CTNNA2: variants seen among roughly 807,000 people sequenced by gnomAD.
The protein encoded by CTNNA2 is catenin alpha-2.
A neutral mutation model predicts 101.0 loss-of-function variants in CTNNA2; 42 were observed. The ratio of observed to expected loss-of-function variants is 0.42; its 90% confidence interval spans 0.32 to 0.54. The LOEUF is 0.54. Ranked by LOEUF, CTNNA2 falls within the 20% of genes least tolerant of loss-of-function variation. CTNNA2 has a pLI of 0.14. For synonymous variants in CTNNA2, 450 were observed against 456.4 expected (o/e 0.99, Z 0.18); for missense variants, 871 against 1,223.1 (o/e 0.71, Z 4.29).
intron 2 of CTNNA2, among the ~76,000 whole-genome samples, chr2:79,279,255 T>C (rs551018192): frequency 2.0e-4 from 31 of 152,084 alleles, no homozygotes; most frequent in Non-Finnish European, 4.0e-4. Context: ...TAACTGGGGT[T>C]GTGTGCCCTC....
At chr2:79,251,853 G>A (rs1334997135) in intron 2 of CTNNA2, among the ~76,000 whole-genome samples, 1 of 152,146 alleles carries the variant, frequency 6.6e-6, no homozygotes, top group Non-Finnish European at 1.5e-5. Flanking sequence ...AATAAAATTT[G>A]TTGTTTGAGA....
intron 1 of CTNNA2, among the ~76,000 whole-genome samples, chr2:79,618,898 G>A (rs1045608427): frequency 1.3e-5 from 2 of 152,198 alleles, no homozygotes; most frequent in African/African-American, 2.4e-5. Flanking sequence ...ATATGGGTAT[G>A]AGCACCCAAT....
At chr2:79,636,078 G>T (rs1423655298) in intron 1 of CTNNA2, among the ~76,000 whole-genome samples, 2 of 144,162 alleles carry the variant, frequency 1.4e-5, no homozygotes, top group Non-Finnish European at 3.0e-5. Flanking sequence ...TGGCTAACAC[G>T]GTGAAACCCC....
Position 79,874,192 on chromosome 2 carries a change from C to T in CTNNA2, c.702C>T (p.Ala234=), listed in dbSNP as rs779761149. ...CATTTCTCCGCCACCCAGATGTCGC[C>T]GCTACGAGAGCCAACCGAGATTATG... ...SQAFLRHPDV[A]ATRANRDYVF... is the part of the protein sequence containing the mutation. The change falls in exon 6 of 19, where the codon GCC becomes GCT. Residue 234 remains alanine (A), a synonymous_variant. Transcript: ENST00000402739. 4.2e-5 allele frequency: 67 copies of T among 1,613,964 alleles called. No homozygotes were observed. Among genetic ancestry groups the T allele is most frequent in the Middle Eastern group, 3.3e-4 (2 of 6,084 alleles).
At chr2:80,080,948 T>TAAAAAA (rs79785271) in intron 7 of CTNNA2, among the ~76,000 whole-genome samples, 375 of 87,362 alleles carry the variant, frequency 4.3e-3, no homozygotes, top group Middle Eastern at 9.8e-3. Context: ...TTCTCCCACT[T>TAAAAAA]AAAAAAAAAA....
chr2:80,500,451 C>T (rs1687795941), intron 9 of CTNNA2, among the ~76,000 whole-genome samples: 4 of 152,120 alleles, frequency 2.6e-5, no homozygotes. Context: ...ATATATTCAT[C>T]GACCCAACAA....
At chr2:79,936,956 T>A (rs1574356695) in intron 7 of CTNNA2, among the ~76,000 whole-genome samples, 1 of 152,202 alleles carries the variant, frequency 6.6e-6, no homozygotes, top group South Asian at 2.1e-4. Context: ...TTTCTTATCC[T>A]GTTTGCTAAG....
At chr2:79,213,193 CT>C (rs1250099692) in intron 2 of CTNNA2, among the ~76,000 whole-genome samples, 1 of 152,114 alleles carries the variant, frequency 6.6e-6, no homozygotes, top group African/African-American at 2.4e-5. Context: ...ATGCTAGCTG[CT>C]TTTTTAGCTA....
At chr2:79,930,179 G>C (rs12477929) in intron 7 of CTNNA2, among the ~76,000 whole-genome samples, 16,785 of 151,454 alleles carry the variant, frequency 0.11, 1,229 homozygotes, top group East Asian at 0.26. Flanking sequence ...AGAGGTGGAG[G>C]TTGCAGTGAG....
intron 13 of CTNNA2, chr2:80,579,448 G>C (rs1695343771): frequency 6.6e-6 from 1 of 152,130 alleles, no homozygotes; most frequent in Non-Finnish European, 1.5e-5. Flanking sequence ...TCTGTCAGCT[G>C]AATTTACCAA....
At chr2:79,510,901 A>AT (rs142009976), upstream of CTNNA2, among the ~76,000 whole-genome samples, 3,478 of 152,282 alleles carry the variant, frequency 0.023, 164 homozygotes, top group East Asian at 0.19. Context: ...GGTTTACATT[A>AT]TTTTTCTTTT....
intron 7 of CTNNA2, among the ~76,000 whole-genome samples, chr2:80,295,976 G>A (rs1210580716): frequency 6.6e-6 from 1 of 152,072 alleles, no homozygotes; most frequent in Non-Finnish European, 1.5e-5. Flanking sequence ...TGTTTCTAAG[G>A]ACTGAGATCA....
intron 4 of CTNNA2, among the ~76,000 whole-genome samples, chr2:79,407,570 TA>T (rs1573151073): frequency 6.6e-6 from 1 of 151,958 alleles, no homozygotes. Flanking sequence ...GTCATGCTCT[TA>T]CCCTCTCCAT....
At chr2:80,335,422 G>A (rs535534159) in intron 7 of CTNNA2, among the ~76,000 whole-genome samples, 10 of 152,290 alleles carry the variant, frequency 6.6e-5, no homozygotes, top group African/African-American at 1.9e-4. Context: ...GGCCCCAAAT[G>A]CCTTATCCTG....
At chr2:80,407,420 G>C (rs1250240643) in intron 8 of CTNNA2, among the ~76,000 whole-genome samples, 2 of 152,206 alleles carry the variant, frequency 1.3e-5, no homozygotes, top group Non-Finnish European at 2.9e-5. Context: ...AAACCATCTA[G>C]AACAGGCATC....
Position 79,587,566 on chromosome 2 carries a change from T to C in CTNNA2, c.-5-63986T>C, listed in dbSNP as rs188720587. Among the ~76,000 whole-genome samples, 4 of 152,326 alleles carry C rather than the reference T, an allele frequency of 2.6e-5. No individual in the cohort carries two copies. The East Asian group carries it at 7.7e-4, about 29-fold the overall frequency. Reference sequence around the variant, plus strand: ...TTTTCCTCTTTTCTCTTTCATTCCATGGCACTAATGTCCACTCTTCTAGTC... The same window carrying C: ...TTTTCCTCTTTTCTCTTTCATTCCACGGCACTAATGTCCACTCTTCTAGTC... On this transcript the variant is annotated intron_variant, in intron 1 of 18. Coordinates refer to ENST00000402739, the MANE Select transcript of CTNNA2 (RefSeq NM_001282597.3).
chr2:80,648,006 G>A lies in CTNNA2; in HGVS notation c.*134G>A, dbSNP rs1674293440. 2.5e-6 allele frequency: 2 copies of A among 805,932 alleles called. No individual in the cohort carries two copies. The highest frequency in any genetic ancestry group is 1.7e-5 in the African/African-American group (1 of 57,280). 49.9% of individuals were successfully genotyped at this position (805,932 alleles called of 1,614,324 possible). A position where few individuals can be genotyped will look rare whatever the true frequency, so the allele number is the denominator to read the frequency against. On this transcript the variant is annotated 3_prime_UTR_variant, in exon 19 of 19. Transcript: ENST00000402739. ...GAAATTAAGGGAACAGTGTCTGTTT[G>A]CATGTAAGATGAGATGAGATCAATA...
intron 13 of CTNNA2, chr2:80,576,372 C>CGTTTTTT (rs746150023): frequency 6.9e-4 from 8 of 11,654 alleles, no homozygotes. Context: ...TCCATGAAAC[C>CGTTTTTT]ATTTTTTTTT....
At chr2:79,967,815 C>T (rs1056995169) in intron 7 of CTNNA2, among the ~76,000 whole-genome samples, 1 of 152,132 alleles carries the variant, frequency 6.6e-6, no homozygotes, top group Non-Finnish European at 1.5e-5. Context: ...GGTGGAATAA[C>T]CCAAATGGCT....
Sources: allele counts gnomAD v4.1 joint callset (sites outside exome capture counted in the v4.1 genomes callset), GRCh38; gene constraint gnomAD v4.1.1; transcripts MANE v1.5; gene names NCBI Gene and HGNC (gene_info 2026-07-23, HGNC 2026-07-21).